Variants in ZBTB25 observed in about 807,000 individuals in gnomAD.
The protein encoded by ZBTB25 is zinc finger and BTB domain containing 25.
In ZBTB25, 20 loss-of-function variants were observed where a neutral mutation model predicts 34.2. The ratio of observed to expected loss-of-function variants is 0.58; its 90% confidence interval spans 0.41 to 0.85. The LOEUF is 0.85. Among genes scored for constraint, ZBTB25 ranks in the 40% least tolerant of loss-of-function variants. The probability of loss-of-function intolerance (pLI) is 0.00; values close to 1 mark genes in which losing one functional copy is unlikely to be tolerated. For missense variants in ZBTB25, 437 were observed against 521.8 expected (o/e 0.84, Z 1.58); for synonymous variants, 175 against 186.4 (o/e 0.94, Z 0.50).
At chr14:64,452,342 A>T (rs1371169595) in intron 2 of ZBTB25, among the ~76,000 whole-genome samples, 1 of 152,242 alleles carries the variant, frequency 6.6e-6, no homozygotes, top group African/African-American at 2.4e-5. Context: ...TTTAGTTGCT[A>T]TAAAGACAGA....
At chr14:64,454,263 C>T (rs192603060) in intron 2 of ZBTB25, among the ~76,000 whole-genome samples, 7 of 152,236 alleles carry the variant, frequency 4.6e-5, no homozygotes, top group African/African-American at 1.7e-4. Context: ...CAGGCACGCA[C>T]CACCACACCT....
At chr14:64,467,982 G>A (rs1370473698) in intron 2 of ZBTB25, 1 of 154,834 alleles carries the variant, frequency 6.5e-6, no homozygotes, top group Non-Finnish European at 1.4e-5. Context: ...TAGGGCCAAA[G>A]TAAACCCCAA....
chr14:64,471,000 A>G (rs1025929245), intron 2 of ZBTB25: 2 of 167,098 alleles, frequency 1.2e-5, no homozygotes, highest in African/African-American at 4.8e-5. Context: ...GCCAAAAATG[A>G]GCCATGAATG....
rs767337600 is a variant in ZBTB25 at position 64,486,170 on chromosome 14, C to T, written c.*753G>A. ...CAAAAAAATTAGCTGGGCGTGGTGG[C>T]GGGCGCCTGTAGTCCCAGCTGCTCA... On this transcript the variant is annotated 3_prime_UTR_variant, in exon 3 of 3. Coordinates refer to ENST00000608382, the MANE Select transcript of ZBTB25 (RefSeq NM_006977.5). 8.5e-4 allele frequency: 572 copies of T among 670,456 alleles called. No homozygotes were observed. Among genetic ancestry groups the T allele is most frequent in the Non-Finnish European group, 9.8e-4 (533 of 542,998 alleles). The allele number at this position is 670,456 out of a possible 1,614,324, so 41.5% of individuals were successfully genotyped here.
chr14:64,497,572 T>A (rs1315238136), intron 1 of ZBTB25, among the ~76,000 whole-genome samples: 38 of 152,218 alleles, frequency 2.5e-4, no homozygotes, highest in Non-Finnish European at 2.9e-5. Context: ...GTTATCAAAG[T>A]GATACATTAT....
upstream of ZBTB25, chr14:64,504,799 G>C: frequency 5.2e-6 from 2 of 385,564 alleles, no homozygotes; most frequent in Non-Finnish European, 9.2e-6. Context: ...CAGAGCCAGA[G>C]CCTCTCCGCG....
rs550311443 is a variant in ZBTB25 at position 64,503,648 on chromosome 14, C to T, written c.-8+13G>A. On this transcript the variant is annotated intron_variant, in intron 1 of 2. Transcript: ENST00000608382. ...CCCGGGGCAGCCCACAGGGGCAGGA[C>T]CGCGTCGCTTACCCAGATGCCGCCG... 3.1e-6 allele frequency: 3 copies of T among 982,048 alleles called. No homozygotes were observed. In the South Asian group the frequency reaches 1.4e-4, roughly 46 times the overall value. 60.8% of individuals were successfully genotyped at this position (982,048 alleles called of 1,614,324 possible).
rs2078787154 is a variant in ZBTB25 at position 64,481,083 on chromosome 14, C to T, written c.*5840G>A. 6.6e-6 allele frequency: 1 copy of T among 152,306 alleles called. No homozygotes were observed. Among genetic ancestry groups the T allele is most frequent in the Non-Finnish European group, 1.5e-5 (1 of 68,132 alleles). 9.4% of individuals were successfully genotyped at this position (152,306 alleles called of 1,614,324 possible). A position where few individuals can be genotyped will look rare whatever the true frequency, so the allele number is the denominator to read the frequency against. ...TAGCTGGGACTACAGACGCGCACCA[C>T]CACACCTGGCTTATTTTTGTATTTT... On this transcript the variant is annotated 3_prime_UTR_variant, in exon 3 of 3. Transcript: ENST00000608382.
intron 2 of ZBTB25, chr14:64,462,174 T>G (rs1369431468): frequency 6.6e-6 from 1 of 152,342 alleles, no homozygotes; most frequent in Non-Finnish European, 1.5e-5. Context: ...CTCACTGTCT[T>G]GTCCAGGCTG....
rs1303951642 is a variant in ZBTB25 at position 64,482,718 on chromosome 14, A to C, written c.*4205T>G. The C allele has an allele frequency of 6.6e-6, 1 of 152,246 alleles. No individual in the cohort carries two copies. The highest frequency in any genetic ancestry group is 2.4e-5 in the African/African-American group (1 of 41,470). 9.4% of individuals were successfully genotyped at this position (152,246 alleles called of 1,614,324 possible). On this transcript the variant is annotated 3_prime_UTR_variant, in exon 3 of 3. Transcript: ENST00000608382. The stretch of plus-strand genomic sequence containing the variant: ...AATGAGTTCTGTCAATTAGTTATTG[A>C]ATATTAGATAGTACATTACTGCTTT...
Position 64,486,722 on chromosome 14 carries a change from G to A in ZBTB25, c.*201C>T. 8.1e-7 allele frequency: 1 copy of A among 1,237,574 alleles called. No homozygotes were observed. Among genetic ancestry groups the A allele is most frequent in the South Asian group, 3.3e-5 (1 of 30,046 alleles). The allele number at this position is 1,237,574 out of a possible 1,614,324, so 76.7% of individuals were successfully genotyped here. On this transcript the variant is annotated 3_prime_UTR_variant, in exon 3 of 3. Coordinates refer to ENST00000608382, the MANE Select transcript of ZBTB25 (RefSeq NM_006977.5). ...TTATTTCGTTTGTGAAAAGTTCACA[G>A]TAGTAATTGAATGTTACATTTTAAT...
At chr14:64,449,612 A>T in exon 3 of ZBTB25, 5 of 1,614,086 alleles carry the variant, frequency 3.1e-6, no homozygotes, top group Non-Finnish European at 4.2e-6. Flanking sequence ...CAGCTCCTTT[A>T]TGACCTCAAG....
At position 64,479,906 on chromosome 14, in the gene ZBTB25, T is replaced by G. The variant is rs1257147225; in HGVS notation, c.*7017A>C. Reference sequence around the variant, plus strand: ...TATAATCAATCAATCTCTTTCTCTCTCTCAGTTCTACCTGTTGTTTCTTTC... The same window carrying G: ...TATAATCAATCAATCTCTTTCTCTCGCTCAGTTCTACCTGTTGTTTCTTTC... On this transcript the variant is annotated 3_prime_UTR_variant, in exon 3 of 3. Transcript: ENST00000608382. 1 of 152,492 alleles carries G rather than the reference T, an allele frequency of 6.6e-6. No individual in the cohort carries two copies. The highest frequency in any genetic ancestry group is 2.4e-5 in the African/African-American group (1 of 41,476). 9.4% of individuals were successfully genotyped at this position (152,492 alleles called of 1,614,324 possible). A position where few individuals can be genotyped will look rare whatever the true frequency, so the allele number is the denominator to read the frequency against.
intron 1 of ZBTB25, among the ~76,000 whole-genome samples, chr14:64,499,896 C>A (rs931438626): frequency 6.6e-6 from 1 of 152,168 alleles, no homozygotes; most frequent in African/African-American, 2.4e-5. Flanking sequence ...GCTCTAGAAA[C>A]CTTTAATGGA....
chr14:64,463,042 T>C (rs957225489), intron 2 of ZBTB25: 2 of 152,160 alleles, frequency 1.3e-5, no homozygotes, highest in African/African-American at 4.8e-5. Context: ...TGATAAGCTA[T>C]AGGTAGGATA....
intron 2 of ZBTB25, among the ~76,000 whole-genome samples, chr14:64,451,453 C>T (rs1334585031): frequency 6.6e-6 from 1 of 152,238 alleles, no homozygotes; most frequent in Admixed American, 6.5e-5. Context: ...AATACACTTA[C>T]AGTTAATTAA....
chr14:64,481,284 C>G lies in ZBTB25; in HGVS notation c.*5639G>C, dbSNP rs1211903810. On this transcript the variant is annotated 3_prime_UTR_variant, in exon 3 of 3. Transcript: ENST00000608382. The stretch of plus-strand genomic sequence containing the variant: ...ATATTGCCCAGGCTGGTCTCGGACT[C>G]CTGGGCCTTGGCCTCCCAAAGTGCT... The G allele has an allele frequency of 6.6e-6, 1 of 152,156 alleles. No homozygotes were observed. Among genetic ancestry groups the G allele is most frequent in the Non-Finnish European group, 1.5e-5 (1 of 68,072 alleles). 9.4% of individuals were successfully genotyped at this position (152,156 alleles called of 1,614,324 possible).
At chr14:64,468,541 C>T (rs777435509) in intron 2 of ZBTB25, 1 of 1,613,988 alleles carries the variant, frequency 6.2e-7, no homozygotes, top group East Asian at 2.2e-5. Flanking sequence ...CACTGAAGCC[C>T]AAAGCTGGCT....
rs181454722 is a variant in ZBTB25 at position 64,495,419 on chromosome 14, C to T, written c.-7-4879G>A. 2.1e-3 allele frequency among the ~76,000 whole-genome samples: 315 copies of T among 152,322 alleles called. 1 individual carries two copies. Among genetic ancestry groups the T allele is most frequent in the African/African-American group, 7.2e-3 (298 of 41,566 alleles). On this transcript the variant is annotated intron_variant, in intron 1 of 2. Transcript: ENST00000608382. ...AGTGTTTGGGGTTCTGCCACTCCAA[C>T]ATTCTTTCTAGGATTTTCTCCTGCA...
Sources: allele counts gnomAD v4.1 joint callset (sites outside exome capture counted in the v4.1 genomes callset), GRCh38; gene constraint gnomAD v4.1.1; transcripts MANE v1.5; gene names NCBI Gene and HGNC (gene_info 2026-07-23, HGNC 2026-07-21).